Variants in NT5DC1 observed in about 807,000 individuals in gnomAD.
NT5DC1 encodes 5'-nucleotidase domain containing 1, also known as 5'-nucleotidase domain-containing protein 1.
Under a neutral mutation model 59.4 loss-of-function variants are expected in NT5DC1, and 42 were observed. The observed-to-expected ratio is 0.71, with a 90% CI of 0.55 to 0.92. The LOEUF (loss-of-function observed/expected upper bound fraction) is 0.92, where lower values mean the gene tolerates loss of function less well. Among genes scored for constraint, NT5DC1 ranks in the 40% least tolerant of loss-of-function variants. The pLI is 0.00. For missense variants in NT5DC1, 501 were observed against 537.1 expected, an observed-to-expected ratio of 0.93 and a Z score of 0.66; for synonymous variants, 172 against 188.1, an observed-to-expected ratio of 0.91 and a Z score of 0.70.
chr6:116,221,459 A>G (rs1339331268), intron 7 of NT5DC1, among the ~76,000 whole-genome samples: 1 of 152,174 alleles, frequency 6.6e-6, no homozygotes, highest in Non-Finnish European at 1.5e-5. Context: ...AGCTCACCGA[A>G]TGTCCAGGTT....
chr6:116,233,853 G>T (rs1782062031), intron 8 of NT5DC1, among the ~76,000 whole-genome samples: 1 of 152,002 alleles, frequency 6.6e-6, no homozygotes, highest in African/African-American at 2.4e-5. Context: ...CACTCTGTGA[G>T]GTAAGCATTG....
chr6:116,236,279 G>A (rs1016620583), intron 8 of NT5DC1, among the ~76,000 whole-genome samples: 1 of 152,160 alleles, frequency 6.6e-6, no homozygotes, highest in Non-Finnish European at 1.5e-5. Flanking sequence ...TAATCATCAT[G>A]CTGGTAGGCA....
At chr6:116,182,255 A>G (rs929854715) in intron 6 of NT5DC1, among the ~76,000 whole-genome samples, 4 of 83,210 alleles carry the variant, frequency 4.8e-5, no homozygotes, top group Admixed American at 1.2e-4. Context: ...GTGTGTGTGT[A>G]TCACATTTTC....
chr6:116,172,150 C>T (rs1780623348), intron 6 of NT5DC1, among the ~76,000 whole-genome samples: 1 of 151,962 alleles, frequency 6.6e-6, no homozygotes, highest in African/African-American at 2.4e-5. Context: ...TTTGTAAACC[C>T]TTTCCTAAGT....
chr6:116,122,057 A>G, intron 6 of NT5DC1: 1 of 1,033,500 alleles, frequency 9.7e-7, no homozygotes, highest in Non-Finnish European at 1.5e-6. Flanking sequence ...GGGACACGAT[A>G]TTTCAGCATC....
chr6:116,210,552 A>G (rs1781554935), intron 6 of NT5DC1, among the ~76,000 whole-genome samples: 1 of 151,930 alleles, frequency 6.6e-6, no homozygotes, highest in African/African-American at 2.4e-5. Flanking sequence ...TCGGATTTTC[A>G]GTTGCAAAAC....
intron 5 of NT5DC1, among the ~76,000 whole-genome samples, chr6:116,116,505 G>GGTGGC (rs1778967247): frequency 6.6e-6 from 1 of 152,102 alleles, no homozygotes; most frequent in African/African-American, 2.4e-5. Flanking sequence ...AGCTGGGTGT[G>GGTGGC]GTGGCGTGCA....
intron 6 of NT5DC1, among the ~76,000 whole-genome samples, chr6:116,127,492 A>G (rs1779350630): frequency 6.6e-6 from 1 of 152,090 alleles, no homozygotes; most frequent in Non-Finnish European, 1.5e-5. Flanking sequence ...AGGAAAGTTT[A>G]TAATTCATCA....
intron 6 of NT5DC1, among the ~76,000 whole-genome samples, chr6:116,129,008 G>A (rs890683104): frequency 2.6e-5 from 4 of 152,008 alleles, no homozygotes; most frequent in African/African-American, 7.2e-5. Context: ...ATCTCAACTC[G>A]CTGTCACTCA....
rs560294046 is a variant in NT5DC1, at chr6:116,106,919, G to A, written c.185+584G>A. Among the ~76,000 whole-genome samples, 7 of 152,238 alleles carry A rather than the reference G, an allele frequency of 4.6e-5. No homozygotes were observed. In the East Asian group the frequency reaches 5.8e-4, roughly 13 times the overall value. ...CAGTTTAAAATCAGGCCAGGCAGGCGTGGTGGCAATTCTGTAATCCCAGCA... is the reference window on the plus strand; with the variant it reads ...CAGTTTAAAATCAGGCCAGGCAGGCATGGTGGCAATTCTGTAATCCCAGCA... On this transcript the variant is annotated intron_variant, in intron 2 of 11. Transcript: ENST00000319550.
chr6:116,210,678 A>G (rs1304814277), intron 6 of NT5DC1, among the ~76,000 whole-genome samples: 1 of 152,052 alleles, frequency 6.6e-6, no homozygotes, highest in Non-Finnish European at 1.5e-5. Flanking sequence ...GTCAGTTATT[A>G]TGAGGATAAT....
intron 1 of NT5DC1, 120 bp downstream of exon 1, chr6:116,101,143 C>T: frequency 1.5e-6 from 1 of 683,146 alleles, no homozygotes; most frequent in Non-Finnish European, 2.3e-6. Context: ...CCGAGTCTTG[C>T]CGCAGAGCGC....
chr6:116,216,973 T>C (rs974361987), intron 6 of NT5DC1, among the ~76,000 whole-genome samples: 51 of 152,266 alleles, frequency 3.3e-4, no homozygotes, highest in African/African-American at 1.2e-3. Flanking sequence ...CAACAGACCT[T>C]ATTTGGAGGC....
chr6:116,202,508 G>A (rs1250871371), intron 6 of NT5DC1, among the ~76,000 whole-genome samples: 1 of 151,792 alleles, frequency 6.6e-6, no homozygotes, highest in Non-Finnish European at 1.5e-5. Context: ...ATTATTATTG[G>A]CAATAGGTTT....
intron 4 of NT5DC1, among the ~76,000 whole-genome samples, chr6:116,114,042 A>G (rs1346392904): frequency 6.6e-6 from 1 of 152,220 alleles, no homozygotes; most frequent in Admixed American, 6.5e-5. Context: ...ATGGCATATC[A>G]TCTTCCTTTT....
At chr6:116,187,890 A>T (rs917699530) in intron 6 of NT5DC1, among the ~76,000 whole-genome samples, 1 of 152,098 alleles carries the variant, frequency 6.6e-6, no homozygotes, top group African/African-American at 2.4e-5. Context: ...GTCTCTCTTC[A>T]TAAAAAATTA....
intron 9 of NT5DC1, 97 bp from the exon 10 acceptor site, chr6:116,238,090 T>G: frequency 4.9e-6 from 4 of 815,646 alleles, no homozygotes; most frequent in Non-Finnish European, 7.7e-6. Flanking sequence ...ATTGTCATAC[T>G]CTGATGCCTG....
intron 6 of NT5DC1, chr6:116,120,343 A>G (rs1486883382): frequency 6.2e-7 from 1 of 1,614,220 alleles, no homozygotes; most frequent in Admixed American, 1.7e-5. Context: ...CTGGTATCTG[A>G]CAAGTAAAGA....
rs191854244 is a variant in NT5DC1, at chr6:116,225,806, G to A, written c.802+2675G>A. On this transcript the variant is annotated intron_variant, in intron 8 of 11. Coordinates refer to ENST00000319550, the MANE Select transcript of NT5DC1 (RefSeq NM_152729.3). ...GGGCATATTTTATTTTTTTAAGATCGAAGATACTGGAATATGTATATGTGC... is the reference window on the plus strand; with the variant it reads ...GGGCATATTTTATTTTTTTAAGATCAAAGATACTGGAATATGTATATGTGC... Among the ~76,000 whole-genome samples the A allele has an allele frequency of 4.8e-3, 728 of 152,258 alleles. 7 individuals carry two copies. Among genetic ancestry groups the A allele is most frequent in the African/African-American group, 0.016 (670 of 41,530 alleles).
Sources: allele counts gnomAD v4.1 joint callset (sites outside exome capture counted in the v4.1 genomes callset), GRCh38; gene constraint gnomAD v4.1.1; transcripts MANE v1.5; gene names NCBI Gene and HGNC (gene_info 2026-07-23, HGNC 2026-07-21).